The following EPB41L5 variants were observed in gnomAD, a reference collection of about 807,000 sequenced individuals.
EPB41L5 encodes the protein band 4.1-like protein 5.
EPB41L5 carries 55 observed loss-of-function variants against 106.6 expected under a neutral mutation model. That is an observed-to-expected ratio of 0.52 (90% CI 0.42 to 0.65). EPB41L5 has a LOEUF of 0.65. Among genes scored for constraint, EPB41L5 ranks in the 30% least tolerant of loss-of-function variants. EPB41L5 has a pLI of 0.00. For synonymous variants in EPB41L5, 297 were observed against 306.7 expected, an observed-to-expected ratio of 0.97 and a Z score of 0.33; for missense variants, 871 against 882.1, an observed-to-expected ratio of 0.99 and a Z score of 0.16.
chr2:120,143,158 G>A, intron 19 of EPB41L5, 27 bp downstream of exon 19: 1 of 1,542,270 alleles, frequency 6.5e-7, no homozygotes, highest in Non-Finnish European at 8.7e-7. Flanking sequence ...AGATAGCCCT[G>A]GTGAAGTGAA....
chr2:120,049,630 G>A (rs960975226), intron 3 of EPB41L5, among the ~76,000 whole-genome samples: 4 of 152,156 alleles, frequency 2.6e-5, no homozygotes, highest in Non-Finnish European at 5.9e-5. Flanking sequence ...TTGCCAGTCT[G>A]TGTCTTTTAA....
chr2:120,125,042 A>AT, intron 16 of EPB41L5, among the ~76,000 whole-genome samples: 2 of 152,170 alleles, frequency 1.3e-5, no homozygotes, highest in East Asian at 3.9e-4. Flanking sequence ...TTCATTGATA[A>AT]TTTTTGCCTG....
chr2:120,128,272 C>T (rs1574722702), intron 17 of EPB41L5, among the ~76,000 whole-genome samples: 1 of 151,778 alleles, frequency 6.6e-6, no homozygotes, highest in East Asian at 1.9e-4. Context: ...CACACACACA[C>T]ACACACACAC....
intron 1 of EPB41L5, among the ~76,000 whole-genome samples, chr2:120,013,842 A>G (rs756762654): frequency 6.6e-6 from 1 of 152,198 alleles, no homozygotes; most frequent in African/African-American, 2.4e-5. Context: ...ACGTTTGGCA[A>G]TATTTTAGAC....
intron 3 of EPB41L5, among the ~76,000 whole-genome samples, chr2:120,065,707 G>A (rs549833977): frequency 6.6e-6 from 1 of 152,020 alleles, no homozygotes; most frequent in African/African-American, 2.4e-5. Context: ...AGTAGAGATG[G>A]GGTTTCACCA....
At chr2:120,100,381 C>T in intron 15 of EPB41L5, 95 bp downstream of exon 15, 1 of 1,157,594 alleles carries the variant, frequency 8.6e-7, no homozygotes. Flanking sequence ...TGTATGTAAC[C>T]CTGCACAAAT....
chr2:120,084,031 T>C, intron 10 of EPB41L5, among the ~76,000 whole-genome samples: 1 of 152,222 alleles, frequency 6.6e-6, no homozygotes, highest in East Asian at 1.9e-4. Context: ...TACAGCACAC[T>C]GGTGGGTCTT....
chr2:120,020,750 A>G (rs1387970459), intron 2 of EPB41L5, among the ~76,000 whole-genome samples: 1 of 151,996 alleles, frequency 6.6e-6, no homozygotes, highest in Non-Finnish European at 1.5e-5. Flanking sequence ...CTTATTACCT[A>G]ATGTTTGAAG....
chr2:120,097,690 G>A (rs1683848912), intron 14 of EPB41L5, among the ~76,000 whole-genome samples: 2 of 152,094 alleles, frequency 1.3e-5, no homozygotes, highest in Non-Finnish European at 2.9e-5. Context: ...ATGAGTAGAA[G>A]GTATACTATG....
intron 16 of EPB41L5, chr2:120,104,784 C>A: frequency 2.2e-6 from 2 of 905,366 alleles, no homozygotes; most frequent in Non-Finnish European, 2.6e-6. Context: ...ATTACAAACA[C>A]TTTTACTTTT....
At chr2:120,078,115 A>G (rs1400191862) in intron 9 of EPB41L5, among the ~76,000 whole-genome samples, 1 of 152,166 alleles carries the variant, frequency 6.6e-6, no homozygotes, top group African/African-American at 2.4e-5. Context: ...GGGGATTACA[A>G]TATGACACAA....
intron 10 of EPB41L5, among the ~76,000 whole-genome samples, chr2:120,086,892 C>A (rs1214417069): frequency 6.6e-6 from 1 of 152,120 alleles, no homozygotes; most frequent in African/African-American, 2.4e-5. Flanking sequence ...ATCTCTTACA[C>A]CATAATCGAG....
intron 2 of EPB41L5, among the ~76,000 whole-genome samples, chr2:120,040,816 T>G (rs144166305): frequency 4.4e-4 from 67 of 152,296 alleles, no homozygotes; most frequent in South Asian, 1.0e-3. Context: ...GATTTACTTA[T>G]CTAAAAAAGC....
intron 10 of EPB41L5, among the ~76,000 whole-genome samples, chr2:120,083,959 C>A (rs1397429686): frequency 3.3e-5 from 5 of 152,080 alleles, no homozygotes; most frequent in African/African-American, 1.2e-4. Context: ...CTTGGTAGAT[C>A]TTCCTCCATC....
At chr2:120,097,657 G>GA (rs1324548780) in intron 14 of EPB41L5, among the ~76,000 whole-genome samples, 2 of 152,048 alleles carry the variant, frequency 1.3e-5, no homozygotes, top group South Asian at 4.1e-4. Context: ...AAGAGGAAAA[G>GA]AAAAAATGGT....
chr2:120,149,239 TG>T (rs1686559750), intron 20 of EPB41L5, among the ~76,000 whole-genome samples: 1 of 152,172 alleles, frequency 6.6e-6, no homozygotes, highest in African/African-American at 2.4e-5. Flanking sequence ...CCATTTAAAG[TG>T]TGCAATTCAA....
intron 1 of EPB41L5, among the ~76,000 whole-genome samples, chr2:120,014,539 G>A (rs1165537341): frequency 1.3e-5 from 2 of 152,174 alleles, no homozygotes; most frequent in African/African-American, 4.8e-5. Flanking sequence ...TTGTTATAAA[G>A]AAAAGGCTAA....
At chr2:120,026,207 C>T (rs1036748136) in intron 2 of EPB41L5, among the ~76,000 whole-genome samples, 1 of 152,050 alleles carries the variant, frequency 6.6e-6, no homozygotes, top group African/African-American at 2.4e-5. Flanking sequence ...ATTGATATAT[C>T]GTAGTCGTAC....
At position 120,176,786 on chromosome 2, in the gene EPB41L5, C is replaced by T. The variant is rs971487778; in HGVS notation, c.*1879C>T. On this transcript the variant is annotated 3_prime_UTR_variant, in exon 25 of 25. Transcript: ENST00000263713. ...TACCGTTGTGCTGCTCACCACAGAG[C>T]AGCTGAGGCATTATGCCTTGGAAGA... The T allele has an allele frequency of 1.4e-4, 21 of 152,308 alleles. No individual in the cohort carries two copies. The highest frequency in any genetic ancestry group is 5.1e-4 in the African/African-American group (21 of 41,574). The allele number at this position is 152,308 out of a possible 1,614,324, so 9.4% of individuals were successfully genotyped here.
Sources: gnomAD v4.1 joint callset for allele counts (sites outside exome capture counted in the v4.1 genomes callset) on GRCh38, gnomAD v4.1.1 for gene constraint, MANE v1.5 for transcripts, NCBI Gene and HGNC (gene_info 2026-07-23, HGNC 2026-07-21) for gene names.